POMC: variants seen among roughly 807,000 people sequenced by gnomAD.
The protein encoded by POMC is proopiomelanocortin.
POMC carries 19 observed loss-of-function variants against 18.5 expected under a neutral mutation model. The ratio of observed to expected loss-of-function variants is 1.03; its 90% CI spans 0.72 to 1.51. The LOEUF is 1.51. POMC is among the 40% of genes most tolerant of loss of function. The probability of loss-of-function intolerance (pLI) is 0.00; values close to 1 mark genes in which losing one functional copy is unlikely to be tolerated. For missense variants in POMC, 451 were observed against 379.0 expected (o/e 1.19, Z -1.58); for synonymous variants, 179 against 161.9 (o/e 1.11, Z -0.80).
In POMC at chr2:25,161,476, G is replaced by A; in HGVS notation, c.409C>T (p.Arg137Cys). 4 of 1,607,574 alleles carry A rather than the reference G, an allele frequency of 2.5e-6. No individual in the cohort carries two copies. The highest frequency in any genetic ancestry group is 3.4e-6 in the Non-Finnish European group (4 of 1,178,010). ...GAKPGPREGK[R>C]SYSMEHFRWG... ...CGGAAGTGCTCCATGGAGTAGGAGC[G>A]CTTGCCCTCGCGCGGGCCCGGCTTG... The change falls in exon 3 of 3, where the codon CGC becomes TGC. Residue 137 changes from arginine to cysteine, a missense_variant. Coordinates refer to ENST00000395826, the MANE Select transcript of POMC (RefSeq NM_000939.4). This position sits in a 1 kb window ranked among gnomAD's most constrained non-coding sequence, Gnocchi z 5.7.
chr2:25,161,286 C>G lies in POMC; in HGVS notation c.599G>C (p.Gly200Ala). The G allele has an allele frequency of 6.2e-7, 1 of 1,611,288 alleles. No homozygotes were observed. The highest frequency in any genetic ancestry group is 8.5e-7 in the Non-Finnish European group (1 of 1,179,020). ...GCTGTGCTCCAGGTCGGCCTGGGCC[C>G]CTGCGCCGTCATCGGCAGGGCCGTC... ...GPDGPADDGA[G>A]AQADLEHSLL... Residue 200 changes from glycine (G) to alanine (A), a missense_variant, in exon 3 of 3, where the codon GGG becomes GCG. Transcript: ENST00000395826. This position sits in a 1 kb window ranked among gnomAD's most constrained non-coding sequence, Gnocchi z 5.7.
chr2:25,161,904 T>A lies in POMC; in HGVS notation c.133-152A>T. The A allele has an allele frequency of 7.5e-7, 1 of 1,338,082 alleles. No homozygotes were observed. The highest frequency in any genetic ancestry group is 1.5e-5 in the South Asian group (1 of 64,860). The allele number at this position is 1,338,082 out of a possible 1,614,324, so 82.9% of individuals were successfully genotyped here. On this transcript the variant is annotated intron_variant, in intron 2 of 2. Transcript: ENST00000395826. This position sits in a 1 kb window ranked among gnomAD's most constrained non-coding sequence, Gnocchi z 5.7. ...GGCGTGTCAAGCGTCGAGGCCTCCCTACAGAGCAGGTCTGCCCACCTGCTT... is the reference window on the plus strand; with the variant it reads ...GGCGTGTCAAGCGTCGAGGCCTCCCAACAGAGCAGGTCTGCCCACCTGCTT...
At chr2:25,167,469 CA>C (rs1671594549) in intron 1 of POMC, among the ~76,000 whole-genome samples, 1 of 152,156 alleles carries the variant, frequency 6.6e-6, no homozygotes, top group Non-Finnish European at 1.5e-5. Context: ...GCCCTCAACC[CA>C]GGATCTGCGC....
Position 25,161,443 on chromosome 2 carries a change from T to C in POMC, c.442A>G (p.Lys148Glu), listed in dbSNP as rs1402453151. Residue 148 changes from lysine to glutamate, a missense_variant, in exon 3 of 3, where the codon AAG becomes GAG. Coordinates refer to ENST00000395826, the MANE Select transcript of POMC (RefSeq NM_000939.4). The surrounding 1 kb of genome is among the most constrained non-coding windows in gnomAD (Gnocchi z 5.7). ...GGGCGCCGCTTCTTGCCCACCGGCT[T>C]GCCCCAGCGGAAGTGCTCCATGGAG... ...SYSMEHFRWG[K>E]PVGKKRRPVK... The C allele has an allele frequency of 2.5e-6, 4 of 1,610,510 alleles. No homozygotes were observed. Among genetic ancestry groups the C allele is most frequent in the Non-Finnish European group, 2.5e-6 (3 of 1,179,306 alleles).
At chr2:25,167,950 T>C (rs949798366) in intron 1 of POMC, among the ~76,000 whole-genome samples, 38 of 151,956 alleles carry the variant, frequency 2.5e-4, no homozygotes, top group African/African-American at 8.9e-4. Context: ...TGTCGGGAGT[T>C]TGAGACCAGC....
chr2:25,163,798 A>AT (rs1671467732), intron 2 of POMC, among the ~76,000 whole-genome samples: 2 of 151,958 alleles, frequency 1.3e-5, no homozygotes, highest in South Asian at 2.1e-4. Flanking sequence ...TAACTTTTTT[A>AT]TTTTTTGTAG....
intron 2 of POMC, 128 bp downstream of exon 2, chr2:25,164,513 T>C: frequency 1.4e-6 from 2 of 1,475,632 alleles, no homozygotes; most frequent in East Asian, 2.3e-5. Context: ...GTTTTGCTCC[T>C]GCCCTGGATT....
At chr2:25,164,421 A>G (rs1671486594) in intron 2 of POMC, among the ~76,000 whole-genome samples, 1 of 152,186 alleles carries the variant, frequency 6.6e-6, no homozygotes. Context: ...AGGATAACCA[A>G]GCAGAAATTG....
At chr2:25,165,757 CT>C (rs1200271460) in intron 1 of POMC, 1 of 152,170 alleles carries the variant, frequency 6.6e-6, no homozygotes. Context: ...CCCTAGCCCC[CT>C]GTACCCACCC....
At position 25,167,704 on chromosome 2, in the gene POMC, G is replaced by T. The variant is rs1671603978; in HGVS notation, c.-21+794C>A. 3.3e-5 allele frequency among the ~76,000 whole-genome samples: 5 copies of T among 152,136 alleles called. No homozygotes were observed. In the South Asian group the frequency reaches 1.0e-3, roughly 31 times the overall value. On this transcript the variant is annotated intron_variant, in intron 1 of 2. Coordinates refer to ENST00000395826, the MANE Select transcript of POMC (RefSeq NM_000939.4). ...TGGGCAAGGAAACAAGGATTCAGGG[G>T]TCTGAATCCGAAAAAATCCGGAAGG...
In POMC at chr2:25,161,494, C is replaced by T. The variant is rs1362122928; in HGVS notation, c.391G>A (p.Gly131Ser). ...PEPRSDGAKP[G>S]PREGKRSYSM... ...TAGGAGCGCTTGCCCTCGCGCGGGC[C>T]CGGCTTGGCACCATCGCTGCGGGGC... The change falls in exon 3 of 3, where the codon GGC becomes AGC. Residue 131 changes from glycine to serine, a missense_variant. By Grantham distance (56) the Gly-to-Ser change is moderately conservative (BLOSUM62 0). Coordinates refer to ENST00000395826, the MANE Select transcript of POMC (RefSeq NM_000939.4). The surrounding 1 kb of genome is among the most constrained non-coding windows in gnomAD (Gnocchi z 5.7). The T allele has an allele frequency of 6.2e-7, 1 of 1,604,672 alleles. No individual in the cohort carries two copies. Among genetic ancestry groups the T allele is most frequent in the African/African-American group, 1.3e-5 (1 of 74,874 alleles).
At position 25,163,254 on chromosome 2, in the gene POMC, G is replaced by A. The variant is rs543247638; in HGVS notation, c.132+1387C>T. 2.6e-4 allele frequency among the ~76,000 whole-genome samples: 39 copies of A among 152,310 alleles called. No homozygotes were observed. In the South Asian group the frequency reaches 7.9e-3, roughly 31 times the overall value. On this transcript the variant is annotated intron_variant, in intron 2 of 2. Transcript: ENST00000395826. ...CTCCCGTGGACAGATAGTGAAACAGGAGACTCAGAGAGGTGATAGGACCTG... is the reference window on the plus strand; with the variant it reads ...CTCCCGTGGACAGATAGTGAAACAGAAGACTCAGAGAGGTGATAGGACCTG...
At chr2:25,167,121 G>A (rs1459474409) in intron 1 of POMC, among the ~76,000 whole-genome samples, 2 of 152,112 alleles carry the variant, frequency 1.3e-5, no homozygotes, top group Admixed American at 6.6e-5. Context: ...AAAACTGCAC[G>A]CTGGCCATGA....
Position 25,160,964 on chromosome 2 carries a change from G to A in POMC, c.*117C>T. The A allele has an allele frequency of 6.6e-7, 1 of 1,511,938 alleles. No individual in the cohort carries two copies. Among genetic ancestry groups the A allele is most frequent in the South Asian group, 1.2e-5 (1 of 84,358 alleles). The allele number at this position is 1,511,938 out of a possible 1,614,324, so 93.7% of individuals were successfully genotyped here. A position where few individuals can be genotyped will look rare whatever the true frequency, so the allele number is the denominator to read the frequency against. ...ATTTCCTAACTACAGGCAGCTTTAA[G>A]AGGCTGATTATCTGCCACGACCCCC... is the stretch of plus-strand genomic sequence containing the variant. On this transcript the variant is annotated 3_prime_UTR_variant, in exon 3 of 3. Coordinates refer to ENST00000395826, the MANE Select transcript of POMC (RefSeq NM_000939.4).
Position 25,161,055 on chromosome 2 carries a change from G to T in POMC, c.*26C>A, listed in dbSNP as rs775233418. The T allele has an allele frequency of 6.2e-7, 1 of 1,613,902 alleles. No individual in the cohort carries two copies. Among genetic ancestry groups the T allele is most frequent in the Non-Finnish European group, 8.5e-7 (1 of 1,179,998 alleles). On this transcript the variant is annotated 3_prime_UTR_variant, in exon 3 of 3. Transcript: ENST00000395826. The surrounding 1 kb of genome is among the most constrained non-coding windows in gnomAD (Gnocchi z 5.7). ...CTTTGGGGTCGACCTCCTGGGGGAG[G>T]GTAGCCCTGGGGCCCCGCTGTGCCC...
rs1558627398 is a variant in POMC at position 25,161,098 on chromosome 2, A to AGGCGTTCTTGATG, written c.774_786dup (p.Tyr263HisfsTer56). ...CTGTGCCCTCACTCGCCCTTCTTGT[A>AGGCGTTCTTGATG]GGCGTTCTTGATGATGGCGTTTTTG... On this transcript the variant is annotated frameshift_variant, in exon 3 of 3. Coordinates refer to ENST00000395826, the MANE Select transcript of POMC (RefSeq NM_000939.4). LOFTEE classifies it high-confidence loss of function. This position sits in a 1 kb window ranked among gnomAD's most constrained non-coding sequence, Gnocchi z 5.7. 1 of 1,612,500 alleles carries AGGCGTTCTTGATG rather than the reference A, an allele frequency of 6.2e-7. No individual in the cohort carries two copies. Among genetic ancestry groups the AGGCGTTCTTGATG allele is most frequent in the Non-Finnish European group, 8.5e-7 (1 of 1,179,876 alleles).
chr2:25,161,593 T>G lies in POMC; in HGVS notation c.292A>C (p.Ser98Arg), dbSNP rs1411241385. 9 of 1,556,324 alleles carry G rather than the reference T, an allele frequency of 5.8e-6. No homozygotes were observed. Among genetic ancestry groups the G allele is most frequent in the Non-Finnish European group, 7.0e-6 (8 of 1,150,082 alleles). Reference protein sequence around the residue: ...GRRNSSSSGSSGAGQKREDVS... With the variant: ...GRRNSSSSGSRGAGQKREDVS... ...TCCTCGCGCTTCTGCCCTGCGCCGC[T>G]GCTGCCGCTGCTGCTGCTGTTGCGG... The change falls in exon 3 of 3, where the codon AGC becomes CGC. Residue 98 changes from serine to arginine, a missense_variant. By Grantham distance (110) the Ser-to-Arg change is moderately radical. Coordinates refer to ENST00000395826, the MANE Select transcript of POMC (RefSeq NM_000939.4). The surrounding 1 kb of genome is among the most constrained non-coding windows in gnomAD (Gnocchi z 5.7).
At chr2:25,164,405 GAAGT>G (rs1186704687) in intron 2 of POMC, among the ~76,000 whole-genome samples, 1 of 152,180 alleles carries the variant, frequency 6.6e-6, no homozygotes, top group African/African-American at 2.4e-5. Context: ...GATGGGGCAA[GAAGT>G]AAGGATAACC....
chr2:25,161,847 G>A lies in POMC; in HGVS notation c.133-95C>T. The stretch of plus-strand genomic sequence containing the variant: ...CTGCGCCTAGGCCCTGGCCGCCCTC[G>A]CCACGTGCCGAGGACACAGGGCACA... On this transcript the variant is annotated intron_variant, in intron 2 of 2. Coordinates refer to ENST00000395826, the MANE Select transcript of POMC (RefSeq NM_000939.4). The surrounding 1 kb of genome is among the most constrained non-coding windows in gnomAD (Gnocchi z 5.7). 6.8e-7 allele frequency: 1 copy of A among 1,460,298 alleles called. No homozygotes were observed. The highest frequency in any genetic ancestry group is 9.0e-7 in the Non-Finnish European group (1 of 1,111,848). The allele number at this position is 1,460,298 out of a possible 1,614,324, so 90.5% of individuals were successfully genotyped here.
Sources: allele counts gnomAD v4.1 joint callset (sites outside exome capture counted in the v4.1 genomes callset), GRCh38; gene constraint gnomAD v4.1.1; non-coding constraint Gnocchi (gnomAD v3.1); transcripts MANE v1.5; gene names NCBI Gene and HGNC (gene_info 2026-07-23, HGNC 2026-07-21).